The following ZFP1 variants were observed in gnomAD, a reference collection of about 807,000 sequenced individuals.
ZFP1 encodes ZFP1 zinc finger protein.
ZFP1 carries 32 observed loss-of-function variants against 38.5 expected under a neutral mutation model. The observed-to-expected ratio is 0.83, with a 90% confidence interval of 0.63 to 1.12. The LOEUF is 1.12. ZFP1 is among the 50% of genes most tolerant of loss of function. The pLI is 0.00. For missense variants in ZFP1, 616 were observed against 480.8 expected (o/e 1.28, Z -2.63); for synonymous variants, 245 against 168.8 (o/e 1.45, Z -3.50).
At chr16:75,133,940 T>G in the ZFP1 span, among the ~76,000 whole-genome samples, 49 of 152,120 alleles carry the variant, frequency 3.2e-4, no homozygotes, top group African/African-American at 1.2e-3. Flanking sequence ...CCCCAGCTAC[T>G]TGGGAGGCTG....
intron 3 of ZFP1, among the ~76,000 whole-genome samples, chr16:75,167,479 G>A (rs542481022): frequency 2.0e-5 from 3 of 150,566 alleles, no homozygotes; most frequent in African/African-American, 7.3e-5. Flanking sequence ...CTTAAACTTT[G>A]TTGTGTCTTG....
Position 75,166,791 on chromosome 16 carries a change from G to A in ZFP1, c.37G>A (p.Val13Met). 1 of 1,614,174 alleles carries A rather than the reference G, an allele frequency of 6.2e-7. No homozygotes were observed. Among genetic ancestry groups the A allele is most frequent in the South Asian group, 1.1e-5 (1 of 91,082 alleles). Residue 13 changes from valine to methionine, a missense_variant, in exon 3 of 4, where the codon GTG becomes ATG. Physicochemically the swap from Val to Met is conservative, Grantham distance 21 (BLOSUM62 1). Transcript: ENST00000570010. ...TCAGGGATCAGTTTCATTCACGGAT[G>A]TGACTGTGGACTTTACCCAGGAGGA... is the stretch of plus-strand genomic sequence containing the variant. ...KSQGSVSFTDVTVDFTQEEWE... is the reference protein window; with the variant it reads ...KSQGSVSFTDMTVDFTQEEWE...
chr16:75,169,782 G>A lies in ZFP1; in HGVS notation c.672G>A (p.Lys224=). 2 of 1,614,004 alleles carry A rather than the reference G, an allele frequency of 1.2e-6. No individual in the cohort carries two copies. Among genetic ancestry groups the A allele is most frequent in the Non-Finnish European group, 1.7e-6 (2 of 1,179,978 alleles). The change falls in exon 4 of 4, where the codon AAG becomes AAA. Residue 224 remains lysine (K), a synonymous_variant. Transcript: ENST00000570010. ...TATGTAAGAAAACCTTCTCCCATAA[G>A]GCCAACCTCATCAAACATCAGAGAA... ...CNVCKKTFSH[K]ANLIKHQRIH... is the part of the protein sequence containing the mutation.
chr16:75,152,712 G>A (rs2037269287), intron 1 of ZFP1, among the ~76,000 whole-genome samples, 197 bp from the exon 2 acceptor site: 1 of 152,150 alleles, frequency 6.6e-6, no homozygotes, highest in Non-Finnish European at 1.5e-5. Flanking sequence ...TTGCCTTTAT[G>A]GGTGTCTGAT....
chr16:75,166,476 C>T lies in ZFP1; in HGVS notation c.16-294C>T, dbSNP rs182377603. 3.8e-3 allele frequency: 3,392 copies of T among 903,916 alleles called. 12 individuals carry two copies. The highest frequency in any genetic ancestry group is 4.2e-3 in the Non-Finnish European group (3,183 of 756,154). The allele number at this position is 903,916 out of a possible 1,614,324, so 56.0% of individuals were successfully genotyped here. A position where few individuals can be genotyped will look rare whatever the true frequency, so the allele number is the denominator to read the frequency against. ...CCCGACCTCAAGTGATTCCCCCGCC[C>T]ACCTAGCCTCCCAAAGTGCTGGGAT... On this transcript the variant is annotated intron_variant, in intron 2 of 3. Coordinates refer to ENST00000570010, the MANE Select transcript of ZFP1 (RefSeq NM_153688.4).
At chr16:75,155,136 T>A (rs549677699) in intron 2 of ZFP1, among the ~76,000 whole-genome samples, 13 of 152,282 alleles carry the variant, frequency 8.5e-5, no homozygotes, top group African/African-American at 3.1e-4. Flanking sequence ...TGATTTGATT[T>A]TGTTTTGTTT....
intron 1 of ZFP1, chr16:75,148,927 G>A (rs1054682469): frequency 2.6e-5 from 4 of 152,058 alleles, no homozygotes; most frequent in Non-Finnish European, 5.9e-5. Flanking sequence ...GGGCGGCGAA[G>A]GGCTCGGGCC....
chr16:75,159,215 G>C (rs1027877282), intron 2 of ZFP1, among the ~76,000 whole-genome samples: 1 of 150,764 alleles, frequency 6.6e-6, no homozygotes, highest in Non-Finnish European at 1.5e-5. Context: ...TGGCTTGCTT[G>C]ATTTCTCCTT....
At chr16:75,154,444 T>C (rs2037368435) in intron 2 of ZFP1, among the ~76,000 whole-genome samples, 1 of 152,186 alleles carries the variant, frequency 6.6e-6, no homozygotes, top group Non-Finnish European at 1.5e-5. Context: ...TTTCAACTCA[T>C]TTGGATAAAT....
At position 75,172,234 on chromosome 16, in the gene ZFP1, A is replaced by T. The variant is rs1784309478; in HGVS notation, c.*1900A>T. The T allele has an allele frequency of 6.6e-6, 1 of 152,196 alleles. No homozygotes were observed. Among genetic ancestry groups the T allele is most frequent in the Admixed American group, 6.5e-5 (1 of 15,278 alleles). The allele number at this position is 152,196 out of a possible 1,614,324, so 9.4% of individuals were successfully genotyped here. On this transcript the variant is annotated 3_prime_UTR_variant, in exon 4 of 4. Coordinates refer to ENST00000570010, the MANE Select transcript of ZFP1 (RefSeq NM_153688.4). The stretch of plus-strand genomic sequence containing the variant: ...TTATAAAATAAAGATAAACCCTTAT[A>T]TATGTGTGTCTTTGTATATGATTTT...
chr16:75,153,330 C>G (rs2037300084), intron 2 of ZFP1, among the ~76,000 whole-genome samples: 1 of 152,098 alleles, frequency 6.6e-6, no homozygotes, highest in African/African-American at 2.4e-5. Context: ...TTTGGTTTTT[C>G]CAGTCAGATT....
Position 75,169,500 on chromosome 16 carries a change from G to T in ZFP1, c.390G>T (p.Gln130His). ...LNSNRSYAGK[Q>H]TDECNEFGKA... ...GTAATAGAAGCTATGCAGGAAAGCA[G>T]ACTGATGAGTGTAATGAATTTGGAA... is the stretch of plus-strand genomic sequence containing the variant. The change falls in exon 4 of 4, where the codon CAG becomes CAT. Residue 130 changes from glutamine to histidine, a missense_variant. By Grantham distance (24) the Gln-to-His change is conservative. Coordinates refer to ENST00000570010, the MANE Select transcript of ZFP1 (RefSeq NM_153688.4). The T allele has an allele frequency of 6.2e-7, 1 of 1,613,220 alleles. No individual in the cohort carries two copies. Among genetic ancestry groups the T allele is most frequent in the South Asian group, 1.1e-5 (1 of 90,858 alleles).
rs1261380652 is a variant in ZFP1, at chr16:75,150,112, A to T, written c.-44+1469A>T. ...TTTATTGTGTTTTCATTACCATTCA[A>T]TTCAAATTTTTTTAACTTCCCTTGT... is the stretch of plus-strand genomic sequence containing the variant. On this transcript the variant is annotated intron_variant, in intron 1 of 3. Coordinates refer to ENST00000570010, the MANE Select transcript of ZFP1 (RefSeq NM_153688.4). Among the ~76,000 whole-genome samples the T allele has an allele frequency of 3.3e-5, 5 of 151,622 alleles. No homozygotes were observed. The East Asian group carries it at 9.7e-4, about 30-fold the overall frequency.
At chr16:75,165,838 C>G (rs2038047220) in intron 2 of ZFP1, among the ~76,000 whole-genome samples, 1 of 152,020 alleles carries the variant, frequency 6.6e-6, no homozygotes, top group Non-Finnish European at 1.5e-5. Flanking sequence ...TCCACTGCCT[C>G]TGCTGGGACT....
At chr16:75,120,855 G>T in the ZFP1 span, among the ~76,000 whole-genome samples, 1 of 152,008 alleles carries the variant, frequency 6.6e-6, no homozygotes, top group African/African-American at 2.4e-5. Flanking sequence ...TCGATCTCCT[G>T]ACCTCATGAT....
At chr16:75,161,393 TTTG>T (rs2037767434) in intron 2 of ZFP1, among the ~76,000 whole-genome samples, 2 of 151,726 alleles carry the variant, frequency 1.3e-5, no homozygotes, top group South Asian at 4.2e-4. Flanking sequence ...CTGCTTGGGC[TTTG>T]TTGTTCTGTG....
intron 2 of ZFP1, among the ~76,000 whole-genome samples, chr16:75,155,010 G>A (rs1363170220): frequency 6.6e-6 from 1 of 152,080 alleles, no homozygotes; most frequent in African/African-American, 2.4e-5. Context: ...TGTTGGTCAG[G>A]CTGGTCTCGA....
chr16:75,150,684 C>T (rs1442014050), intron 1 of ZFP1, among the ~76,000 whole-genome samples: 2 of 152,150 alleles, frequency 1.3e-5, no homozygotes, highest in South Asian at 2.1e-4. Flanking sequence ...TGACCTTGGC[C>T]TCCCAAAGTG....
rs2038407666 is a variant in ZFP1, at chr16:75,171,172, A to G, written c.*838A>G. On this transcript the variant is annotated 3_prime_UTR_variant, in exon 4 of 4. Coordinates refer to ENST00000570010, the MANE Select transcript of ZFP1 (RefSeq NM_153688.4). ...CCGTGGGATATTTGCATACAAATGC[A>G]TGTCTGTTACCAAAATATTGTGTAA... 6.6e-6 allele frequency: 1 copy of G among 152,186 alleles called. No individual in the cohort carries two copies. The highest frequency in any genetic ancestry group is 2.1e-4 in the South Asian group (1 of 4,830). 9.4% of individuals were successfully genotyped at this position (152,186 alleles called of 1,614,324 possible). A position where few individuals can be genotyped will look rare whatever the true frequency, so the allele number is the denominator to read the frequency against.
Sources: allele counts gnomAD v4.1 joint callset (sites outside exome capture counted in the v4.1 genomes callset), GRCh38; gene constraint gnomAD v4.1.1; transcripts MANE v1.5; gene names NCBI Gene and HGNC (gene_info 2026-07-23, HGNC 2026-07-21).